ST8SIA1: variants seen among roughly 807,000 people sequenced by gnomAD.
ST8SIA1 encodes the protein ST8 alpha-N-acetyl-neuraminide alpha-2,8-sialyltransferase 1, also known as alpha-N-acetylneuraminide alpha-2,8-sialyltransferase.
Under a neutral mutation model 35.9 loss-of-function variants are expected in ST8SIA1, and 16 were observed. That is an observed-to-expected ratio of 0.45 (90% CI 0.30 to 0.68). The LOEUF is 0.68. ST8SIA1 is among the 30% of genes least tolerant of loss of function. The pLI is 0.09. For synonymous variants in ST8SIA1, 170 were observed against 169.6 expected, an observed-to-expected ratio of 1.00 and a Z score of -0.02; for missense variants, 383 against 453.6, an observed-to-expected ratio of 0.84 and a Z score of 1.41.
At chr12:22,289,619 G>A (rs1053124522) in intron 1 of ST8SIA1, among the ~76,000 whole-genome samples, 4 of 152,126 alleles carry the variant, frequency 2.6e-5, no homozygotes, top group African/African-American at 7.2e-5. Context: ...CTCAGGTCAC[G>A]TAACTAGGGA....
intron 2 of ST8SIA1, among the ~76,000 whole-genome samples, chr12:22,255,679 G>A (rs1239694470): frequency 1.0e-5 from 1 of 100,366 alleles, no homozygotes; most frequent in Admixed American, 8.8e-5. Context: ...TGTTTGCTAG[G>A]GAAAATTAAA....
rs75823919 is a variant in ST8SIA1 at position 22,229,312 on chromosome 12, G to A, written c.584+19694C>T. ...TAATAGATAGGGATGATGACAATGA[G>A]GATGTACAAGAATGACTTCAATGGC... On this transcript the variant is annotated intron_variant, in intron 4 of 4. Transcript: ENST00000396037. 7.2e-3 allele frequency among the ~76,000 whole-genome samples: 1,102 copies of A among 152,114 alleles called. 11 individuals are homozygous for A. The highest frequency in any genetic ancestry group is 0.024 in the African/African-American group (1,015 of 41,506).
In ST8SIA1 at chr12:22,201,383, C is replaced by T; in HGVS notation, c.*169G>A. On this transcript the variant is annotated 3_prime_UTR_variant, in exon 5 of 5. Transcript: ENST00000396037. ...ATAGGATGTTTCATTTCTTATTTGT[C>T]CTCCAAGCCAACGCTGAAAGTAAAG... 3.5e-6 allele frequency: 3 copies of T among 854,578 alleles called. No homozygotes were observed. The highest frequency in any genetic ancestry group is 2.2e-5 in the South Asian group (1 of 45,016). 52.9% of individuals were successfully genotyped at this position (854,578 alleles called of 1,614,324 possible). A position where few individuals can be genotyped will look rare whatever the true frequency, so the allele number is the denominator to read the frequency against.
At chr12:22,203,802 C>T (rs1305429249) in intron 4 of ST8SIA1, among the ~76,000 whole-genome samples, 3 of 152,072 alleles carry the variant, frequency 2.0e-5, no homozygotes, top group Non-Finnish European at 2.9e-5. Context: ...TAATGCTTTC[C>T]CAATCATATA....
chr12:22,223,929 A>G (rs1471083330), intron 4 of ST8SIA1, among the ~76,000 whole-genome samples: 7 of 152,150 alleles, frequency 4.6e-5, no homozygotes, highest in Admixed American at 4.6e-4. Context: ...ACATTGCTAG[A>G]TTATTACTTT....
chr12:22,333,948 TCG>T (rs1442546685), intron 1 of ST8SIA1, 47 bp downstream of exon 1: 1 of 1,546,448 alleles, frequency 6.5e-7, no homozygotes, highest in Admixed American at 1.7e-5. Context: ...TCCTCTGCAC[TCG>T]GGGAGGAAAG....
rs59486221 is a variant in ST8SIA1, at chr12:22,218,612, A to AAAATAAAT, written c.585-16582_585-16575dup. Among the ~76,000 whole-genome samples, 368 of 139,344 alleles carry AAAATAAAT rather than the reference A, an allele frequency of 2.6e-3. 2 individuals carry two copies. The highest frequency in any genetic ancestry group is 7.9e-3 in the African/African-American group (295 of 37,202). The allele number at this position is 139,344 out of a possible 152,430, so 91.4% of individuals were successfully genotyped here. Reference sequence around the variant, plus strand: ...CAGTCTGGGTGACAAAGCGAGACTCAAAATAAATAAATAAATAAATAAATA... The same window carrying AAAATAAAT: ...CAGTCTGGGTGACAAAGCGAGACTCAAAATAAATAAATAAATAAATAAATAAATAAATA... On this transcript the variant is annotated intron_variant, in intron 4 of 4. Transcript: ENST00000396037.
chr12:22,266,162 T>G (rs982419915), intron 2 of ST8SIA1, among the ~76,000 whole-genome samples: 9 of 151,946 alleles, frequency 5.9e-5, no homozygotes, highest in Non-Finnish European at 1.0e-4. Flanking sequence ...TCTACTCTAT[T>G]ACCTGCCTTC....
At chr12:22,223,597 A>G (rs1305796295) in intron 4 of ST8SIA1, 1 of 1,068,244 alleles carries the variant, frequency 9.4e-7, no homozygotes, top group African/African-American at 1.7e-5. Context: ...TTCAAGCAGC[A>G]TGAGTCTGGA....
At chr12:22,248,240 C>T (rs1023161732) in intron 4 of ST8SIA1, among the ~76,000 whole-genome samples, 34 of 152,278 alleles carry the variant, frequency 2.2e-4, no homozygotes, top group East Asian at 7.7e-4. Context: ...GGGCCCAGAA[C>T]ATCTGGATGT....
intron 4 of ST8SIA1, among the ~76,000 whole-genome samples, chr12:22,219,844 T>C (rs1253502162): frequency 6.6e-6 from 1 of 152,180 alleles, no homozygotes; most frequent in African/African-American, 2.4e-5. Flanking sequence ...CCATTGTATA[T>C]GGTGTGATAA....
In ST8SIA1 at chr12:22,313,165, C is replaced by A. The variant is rs533750691; in HGVS notation, c.236+20832G>T. On this transcript the variant is annotated intron_variant, in intron 1 of 4. Coordinates refer to ENST00000396037, the MANE Select transcript of ST8SIA1 (RefSeq NM_003034.4). ...CTCTAAGCCTTAGTTTTCGCAACTG[C>A]ACAATAGAAATTAAATAGTACCTCC... Among the ~76,000 whole-genome samples, 3 of 152,200 alleles carry A rather than the reference C, an allele frequency of 2.0e-5. No individual in the cohort carries two copies. The South Asian group carries it at 6.2e-4, about 32-fold the overall frequency.
chr12:22,322,308 G>A (rs562822527), intron 1 of ST8SIA1, among the ~76,000 whole-genome samples: 5 of 152,302 alleles, frequency 3.3e-5, no homozygotes, highest in Non-Finnish European at 5.9e-5. Context: ...CTGTATGGGG[G>A]AAGGCCTGCG....
intron 1 of ST8SIA1, among the ~76,000 whole-genome samples, chr12:22,304,334 C>CTTTTTTTTTT (rs3063802): frequency 1.2e-4 from 13 of 106,246 alleles, no homozygotes; most frequent in East Asian, 2.7e-4. Context: ...TTTTCTTTTT[C>CTTTTTTTTTT]TTTTTTTTTT....
At chr12:22,278,862 T>A (rs1007016550) in intron 2 of ST8SIA1, among the ~76,000 whole-genome samples, 12 of 152,216 alleles carry the variant, frequency 7.9e-5, no homozygotes, top group African/African-American at 2.9e-4. Context: ...CACTTTTGTT[T>A]CCTTTACAAT....
chr12:22,325,790 C>G, intron 1 of ST8SIA1: 2 of 693,472 alleles, frequency 2.9e-6, no homozygotes, highest in Non-Finnish European at 5.2e-6. Context: ...ACAATTATAA[C>G]AATATACCTG....
intron 1 of ST8SIA1, among the ~76,000 whole-genome samples, chr12:22,321,430 C>T (rs1866599359): frequency 6.6e-6 from 1 of 152,192 alleles, no homozygotes; most frequent in African/African-American, 2.4e-5. Flanking sequence ...CCTCCCTGCC[C>T]AAACTGAAGC....
chr12:22,326,195 C>A, intron 1 of ST8SIA1: 2 of 305,718 alleles, frequency 6.5e-6, no homozygotes, highest in South Asian at 1.2e-4. Flanking sequence ...TTGTATTCAT[C>A]ACTGTATTGC....
At chr12:22,322,454 T>A (rs1307699678) in intron 1 of ST8SIA1, among the ~76,000 whole-genome samples, 3 of 151,996 alleles carry the variant, frequency 2.0e-5, no homozygotes, top group Non-Finnish European at 4.4e-5. Context: ...GAGCCTAGAG[T>A]CTTAATAATA....
Sources: allele counts gnomAD v4.1 joint callset (sites outside exome capture counted in the v4.1 genomes callset), GRCh38; gene constraint gnomAD v4.1.1; transcripts MANE v1.5; gene names NCBI Gene and HGNC (gene_info 2026-07-23, HGNC 2026-07-21).